The following PCAT7 variants were observed in gnomAD, a reference collection of about 807,000 sequenced individuals.
PCAT7 encodes prostate cancer associated transcript 7.
chr9:94,566,689 G>C (rs901128695), intron 2 of PCAT7, among the ~76,000 whole-genome samples: 1 of 152,128 alleles, frequency 6.6e-6, no homozygotes, highest in Non-Finnish European at 1.5e-5. Flanking sequence ...GGTCTTGGCA[G>C]GGCACCCATT....
At chr9:94,558,376 G>C (rs1230784738) in intron 1 of PCAT7, among the ~76,000 whole-genome samples, 1 of 152,084 alleles carries the variant, frequency 6.6e-6, no homozygotes. Context: ...CTCACTGCAA[G>C]CTCTGCCTCC....
At chr9:94,567,298 T>G (rs1564181342) in intron 2 of PCAT7, 1 of 1,614,160 alleles carries the variant, frequency 6.2e-7, no homozygotes, top group Non-Finnish European at 8.5e-7. Context: ...CTGCACATAT[T>G]CAGTGGTGGC....
intron 1 of PCAT7, chr9:94,558,944 G>A (rs1827050393): frequency 6.2e-7 from 1 of 1,614,060 alleles, no homozygotes; most frequent in Non-Finnish European, 8.5e-7. Context: ...CTCGCTAGCT[G>A]CCTGCCTGAT....
At chr9:94,560,464 C>T (rs1827080117) in intron 2 of PCAT7, among the ~76,000 whole-genome samples, 1 of 152,228 alleles carries the variant, frequency 6.6e-6, no homozygotes, top group East Asian at 1.9e-4. Context: ...GTCGTTCTGG[C>T]CGAGGCCCTG....
chr9:94,571,685 C>G, intron 2 of PCAT7: 1 of 1,250,546 alleles, frequency 8.0e-7, no homozygotes, highest in Non-Finnish European at 1.1e-6. Context: ...TTCAGATCTC[C>G]TCGAATCACT....
intron 1 of PCAT7, among the ~76,000 whole-genome samples, chr9:94,555,640 G>A (rs1227332153): frequency 1.3e-5 from 2 of 151,814 alleles, no homozygotes; most frequent in African/African-American, 4.8e-5. Flanking sequence ...AGATGGTGGG[G>A]AGAGAAGTTT....
intron 1 of PCAT7, among the ~76,000 whole-genome samples, chr9:94,556,245 G>A (rs866248866): frequency 6.6e-6 from 1 of 151,096 alleles, no homozygotes; most frequent in African/African-American, 2.4e-5. Flanking sequence ...GCAAAAGGGC[G>A]TGATGACAGC....
intron 1 of PCAT7, among the ~76,000 whole-genome samples, chr9:94,557,118 C>A (rs1211751802): frequency 6.6e-6 from 1 of 152,174 alleles, no homozygotes; most frequent in Non-Finnish European, 1.5e-5. Flanking sequence ...TTGATAGTAC[C>A]ATGCTTACCA....
At chr9:94,568,990 A>T (rs558753) in intron 2 of PCAT7, 73,768 of 151,904 alleles carry the variant, frequency 0.49, 18,498 homozygotes, top group African/African-American at 0.6. Flanking sequence ...TGCCTGCTAA[A>T]TCTAACTTCG....
At chr9:94,561,705 A>G (rs990607896) in intron 2 of PCAT7, among the ~76,000 whole-genome samples, 3 of 152,198 alleles carry the variant, frequency 2.0e-5, no homozygotes, top group Non-Finnish European at 2.9e-5. Flanking sequence ...ACACAGCTAT[A>G]CAGATGCAGA....
At chr9:94,554,848 G>C (rs79880345), upstream of PCAT7, among the ~76,000 whole-genome samples, 12,286 of 152,220 alleles carry the variant, frequency 0.081, 563 homozygotes, top group South Asian at 0.17. Flanking sequence ...TTTAAGCCGG[G>C]TACGTAGTAG....
chr9:94,568,401 T>TAA (rs1827224955), intron 2 of PCAT7: 1 of 152,208 alleles, frequency 6.6e-6, no homozygotes, highest in Non-Finnish European at 1.5e-5. Context: ...TATGTCTAGT[T>TAA]CTGGTGATAT....
In PCAT7 at chr9:94,571,504, A is replaced by G. The variant is rs754725767; in HGVS notation, n.442-1475A>G. ...GGTCCACGCCTTGCCCTGTGGAGAG[A>G]GCCACCAGGGTTGCACTACCGTACA... is the stretch of plus-strand genomic sequence containing the variant. On this transcript the variant is annotated intron_variant and non_coding_transcript_variant, in intron 2 of 8. Coordinates refer to ENST00000647389, the Ensembl canonical transcript of PCAT7. 1.3e-5 allele frequency: 21 copies of G among 1,613,756 alleles called. No individual in the cohort carries two copies. The Admixed American group carries it at 1.8e-4, about 14-fold the overall frequency.
rs999658642 is a variant in PCAT7, at chr9:94,567,463, C to T, written n.442-5516C>T. On this transcript the variant is annotated intron_variant and non_coding_transcript_variant, in intron 2 of 8. Coordinates refer to ENST00000647389, the Ensembl canonical transcript of PCAT7. ...AGAGAGAAGCCAGGAAACAAGCCAA[C>T]CGCACAATCCCCACATCAGAGCAGG... 5.6e-6 allele frequency: 9 copies of T among 1,598,354 alleles called. No individual in the cohort carries two copies. In the Admixed American group the frequency reaches 1.5e-4, roughly 27 times the overall value.
intron 2 of PCAT7, among the ~76,000 whole-genome samples, chr9:94,565,055 G>T (rs1241200760): frequency 6.6e-6 from 1 of 152,028 alleles, no homozygotes; most frequent in Non-Finnish European, 1.5e-5. Flanking sequence ...CCATAAATAT[G>T]TACAATTATT....
chr9:94,561,428 T>C (rs534386034), intron 2 of PCAT7, among the ~76,000 whole-genome samples: 2 of 134,186 alleles, frequency 1.5e-5, no homozygotes, highest in South Asian at 2.6e-4. Flanking sequence ...AGTGGCGCGA[T>C]CTCGGCTCAC....
In PCAT7 at chr9:94,558,443, C is replaced by T. The variant is rs182686686; in HGVS notation, n.258-526C>T. Among the ~76,000 whole-genome samples the T allele has an allele frequency of 9.4e-3, 1,427 of 152,164 alleles. 11 individuals carry two copies. The highest frequency in any genetic ancestry group is 0.017 in the South Asian group (83 of 4,808). ...CCGAGTAGCTGGGACTACAGGCGCC[C>T]GCCACCACGCCCGGCTAATTTTTGT... On this transcript the variant is annotated intron_variant and non_coding_transcript_variant, in intron 1 of 8. Coordinates refer to ENST00000647389, the Ensembl canonical transcript of PCAT7.
chr9:94,558,856 C>G, intron 1 of PCAT7: 2 of 1,305,084 alleles, frequency 1.5e-6, no homozygotes, highest in Non-Finnish European at 2.2e-6. Context: ...ATACTCATAG[C>G]TACCATCTCT....
chr9:94,563,521 C>A, intron 2 of PCAT7: 1 of 1,577,186 alleles, frequency 6.3e-7, no homozygotes, highest in Non-Finnish European at 8.6e-7. Context: ...CCAGCACCTG[C>A]TCGTGGTCAC....
Sources: allele counts gnomAD v4.1 joint callset (sites outside exome capture counted in the v4.1 genomes callset), GRCh38; gene constraint gnomAD v4.1.1; transcripts MANE v1.5; gene names NCBI Gene and HGNC (gene_info 2026-07-23, HGNC 2026-07-21).